NRK: variants seen among roughly 807,000 people sequenced by gnomAD.
The protein encoded by NRK is Nik related kinase.
A neutral mutation model predicts 125.2 loss-of-function variants in NRK; 67 were observed. That is an observed-to-expected ratio of 0.54 (90% CI 0.44 to 0.66). NRK has a LOEUF of 0.66. NRK is among the 30% of genes least tolerant of loss of function. The pLI, the probability that NRK is intolerant of heterozygous loss-of-function variation, is 0.00. For synonymous variants in NRK, 458 were observed against 429.0 expected (o/e 1.07, Z -0.84); for missense variants, 1,224 against 1,192.9 (o/e 1.03, Z -0.38).
intron 16 of NRK, among the ~76,000 whole-genome samples, chrX:105,919,017 A>T (rs976835685): frequency 7.4e-5 from 8 of 107,499 alleles, no homozygotes; most frequent in Non-Finnish European, 1.5e-4. Flanking sequence ...AAAAAAAAAA[A>T]AAAAAAAGCA....
Position 105,912,726 on chromosome X carries a change from C to G in NRK, c.2320C>G (p.Pro774Ala). 9.1e-7 allele frequency: 1 copy of G among 1,094,228 alleles called. No homozygotes were observed. The highest frequency in any genetic ancestry group is 1.2e-6 in the Non-Finnish European group (1 of 815,553). The allele number at this position is 1,094,228 out of a possible 1,213,427, so 90.2% of individuals were successfully genotyped here. The change falls in exon 14 of 29, where the codon CCA becomes GCA. Residue 774 changes from proline to alanine, a missense_variant. Transcript: ENST00000243300. ...QAEVQIEPLK[P>A]YISNPKKIEV... ...TGAAGTCCAGATAGAGCCATTGAAG[C>G]CATACATTTCAAATCCTAAAAAAAT...
At chrX:105,845,273 C>A (rs1048137094) in intron 2 of NRK, among the ~76,000 whole-genome samples, 1 of 111,859 alleles carries the variant, frequency 8.9e-6, no homozygotes, top group African/African-American at 3.2e-5. Flanking sequence ...ATATTCCCTG[C>A]AGTAGCACTG....
chrX:105,877,639 T>G (rs1030262771), intron 2 of NRK, among the ~76,000 whole-genome samples: 1 of 111,131 alleles, frequency 9.0e-6, no homozygotes, highest in African/African-American at 3.3e-5. Context: ...CTATGATCTA[T>G]TGTCTGTATA....
chrX:105,920,370 G>A (rs1486811805), intron 16 of NRK, among the ~76,000 whole-genome samples: 7 of 104,320 alleles, frequency 6.7e-5, no homozygotes, highest in Middle Eastern at 4.7e-3. Context: ...TTGACTTGGC[G>A]ATGCGGGCTC....
chrX:105,826,261 T>A (rs2039100959), intron 1 of NRK, among the ~76,000 whole-genome samples: 2 of 78,243 alleles, frequency 2.6e-5, no homozygotes, highest in South Asian at 1.1e-3. Context: ...ATAATATATA[T>A]TTCATATATA....
intron 2 of NRK, among the ~76,000 whole-genome samples, chrX:105,841,458 T>C (rs1202919220): frequency 1.8e-5 from 2 of 111,869 alleles, no homozygotes; most frequent in Non-Finnish European, 3.8e-5. Flanking sequence ...AATTATGATA[T>C]GACGGTAGTT....
chrX:105,915,690 G>C, intron 14 of NRK, 40 bp from the exon 15 acceptor site: 1 of 757,372 alleles, frequency 1.3e-6, no homozygotes, highest in Non-Finnish European at 2.0e-6. Context: ...TACAATTTAT[G>C]ATCAAGAATT....
chrX:105,823,317 T>C (rs1264944598), intron 1 of NRK, among the ~76,000 whole-genome samples: 1 of 112,195 alleles, frequency 8.9e-6, no homozygotes, highest in African/African-American at 3.2e-5. Flanking sequence ...CGCCGCCCCA[T>C]CGTTTGCTGC....
chrX:105,847,886 G>T (rs1602604488), intron 2 of NRK, among the ~76,000 whole-genome samples: 1 of 111,528 alleles, frequency 9.0e-6, no homozygotes, highest in African/African-American at 3.3e-5. Context: ...GGAGTGAGTT[G>T]CCTAACTTCT....
intron 14 of NRK, among the ~76,000 whole-genome samples, chrX:105,913,243 T>A (rs1340440212): frequency 2.7e-5 from 3 of 111,857 alleles, no homozygotes; most frequent in Non-Finnish European, 3.8e-5. Flanking sequence ...TTGAGTAAAT[T>A]ATTGAATAAT....
intron 1 of NRK, among the ~76,000 whole-genome samples, chrX:105,824,698 G>T (rs2039070038): frequency 9.0e-6 from 1 of 110,763 alleles, no homozygotes; most frequent in African/African-American, 3.3e-5. Context: ...ATTTGGTGGA[G>T]CCCAGGAGAT....
chrX:105,929,229 A>AT (rs1449015497), intron 19 of NRK, among the ~76,000 whole-genome samples: 2 of 111,509 alleles, frequency 1.8e-5, no homozygotes, highest in East Asian at 5.6e-4. Flanking sequence ...TATTATCATA[A>AT]TATAATGTCC....
chrX:105,900,230 C>T (rs1399711735), intron 8 of NRK, among the ~76,000 whole-genome samples: 1 of 109,606 alleles, frequency 9.1e-6, no homozygotes, highest in Non-Finnish European at 1.9e-5. Flanking sequence ...ATTGTTATCA[C>T]CATTTTACTT....
chrX:105,875,836 G>A (rs1277232997), intron 2 of NRK, among the ~76,000 whole-genome samples: 2 of 110,715 alleles, frequency 1.8e-5, no homozygotes, highest in Non-Finnish European at 3.8e-5. Flanking sequence ...ATACGAAAGA[G>A]CCTATGAACT....
chrX:105,894,114 C>T lies in NRK; in HGVS notation c.489+172C>T, dbSNP rs909259264. On this transcript the variant is annotated intron_variant, in intron 6 of 28. Transcript: ENST00000243300. ...TTTGAGAAAGCCAATTTGCAGCTGA[C>T]GCCTTTAAATAAGCTGGGTAACAAA... 8.9e-5 allele frequency among the ~76,000 whole-genome samples: 10 copies of T among 112,126 alleles called. No homozygotes were observed. In the East Asian group the frequency reaches 1.4e-3, roughly 16 times the overall value.
chrX:105,915,141 T>C lies in NRK; in HGVS notation c.2350-589T>C, dbSNP rs190654087. On this transcript the variant is annotated intron_variant, in intron 14 of 28. Coordinates refer to ENST00000243300, the MANE Select transcript of NRK (RefSeq NM_198465.4). ...GAAACAGTACTTGGAACACTAATTA[T>C]GATAGTACAGTCAAATTGTAAAGCA... Among the ~76,000 whole-genome samples the C allele has an allele frequency of 1.4e-3, 154 of 110,294 alleles. 1 individual carries two copies. The highest frequency in any genetic ancestry group is 4.8e-3 in the African/African-American group (145 of 30,431).
chrX:105,909,782 A>G lies in NRK; in HGVS notation c.2141A>G (p.Lys714Arg). ...GCAAAGTCATCATGGAGACCTGAAA[A>G]GCTTGAACTCTCGGATTTAGAAGCC... Reference protein sequence around the residue: ...FRAKSSWRPEKLELSDLEARR... With the variant: ...FRAKSSWRPERLELSDLEARR... Residue 714 changes from lysine (K) to arginine (R), a missense_variant, in exon 13 of 29, where the codon AAG (lysine) becomes AGG (arginine). Coordinates refer to ENST00000243300, the MANE Select transcript of NRK (RefSeq NM_198465.4). 8.4e-7 allele frequency: 1 copy of G among 1,183,786 alleles called. No homozygotes were observed. Among genetic ancestry groups the G allele is most frequent in the Non-Finnish European group, 1.1e-6 (1 of 880,842 alleles).
chrX:105,871,973 G>A (rs2039753983), intron 2 of NRK, among the ~76,000 whole-genome samples: 1 of 111,510 alleles, frequency 9.0e-6, no homozygotes, highest in Non-Finnish European at 1.9e-5. Flanking sequence ...GTAGCAGCTT[G>A]ATTATAGAAG....
At chrX:105,950,737 A>ATATGAAC (rs2040885068) in intron 27 of NRK, among the ~76,000 whole-genome samples, 1 of 110,175 alleles carries the variant, frequency 9.1e-6, no homozygotes, top group Non-Finnish European at 1.9e-5. Context: ...ATGCGATGTC[A>ATATGAAC]TATGAACTAT....
Sources: allele counts gnomAD v4.1 joint callset (sites outside exome capture counted in the v4.1 genomes callset), GRCh38; gene constraint gnomAD v4.1.1; transcripts MANE v1.5; gene names NCBI Gene and HGNC (gene_info 2026-07-23, HGNC 2026-07-21).